IGFBPL1: variants seen among roughly 807,000 people sequenced by gnomAD.
The protein encoded by IGFBPL1 is insulin-like growth factor-binding protein-like 1.
In IGFBPL1, 20 loss-of-function variants were observed where a neutral mutation model predicts 23.9. The observed-to-expected ratio is 0.84, with a 90% CI of 0.59 to 1.22. The LOEUF is 1.22. Among genes scored for constraint, IGFBPL1 ranks in the 50% most tolerant of loss-of-function variants. IGFBPL1 has a pLI of 0.00. For missense variants in IGFBPL1, 436 were observed against 379.3 expected (o/e 1.15, Z -1.24); for synonymous variants, 184 against 171.8 (o/e 1.07, Z -0.56).
rs1301011983 is a variant in IGFBPL1, at chr9:38,424,121, C to T, written c.304G>A (p.Gly102Ser). 3.1e-6 allele frequency: 4 copies of T among 1,278,062 alleles called. No homozygotes were observed. In the Admixed American group the frequency reaches 1.2e-4, roughly 38 times the overall value. 79.2% of individuals were successfully genotyped at this position (1,278,062 alleles called of 1,614,324 possible). A position where few individuals can be genotyped will look rare whatever the true frequency, so the allele number is the denominator to read the frequency against. The change falls in exon 1 of 5, where the codon GGC becomes AGC. Residue 102 changes from glycine to serine, a missense_variant. Coordinates refer to ENST00000377694, the MANE Select transcript of IGFBPL1 (RefSeq NM_001007563.3). ...TGCGCGCACACGCAGAGCCCGGTGCCCTCGGGCGCTGCCCCAGCGGCCTGG... is the reference window on the plus strand; with the variant it reads ...TGCGCGCACACGCAGAGCCCGGTGCTCTCGGGCGCTGCCCCAGCGGCCTGG... ...ASQAAGAAPE[G>S]TGLCVCAQRG...
rs1166295818 is a variant in IGFBPL1 at position 38,408,238 on chromosome 9, G to A, written c.*989C>T. On this transcript the variant is annotated 3_prime_UTR_variant, in exon 5 of 5. Transcript: ENST00000377694. ...AGACCAGCCTGGGCGGCAACATAGG[G>A]AGACCCTGTCTCTACAAAAAAAAAA... Among the ~76,000 whole-genome samples, 1 of 123,738 alleles carries A rather than the reference G, an allele frequency of 8.1e-6. No individual in the cohort carries two copies. Among genetic ancestry groups the A allele is most frequent in the Non-Finnish European group, 1.6e-5 (1 of 60,720 alleles). The allele number at this position is 123,738 out of a possible 152,430, so 81.2% of individuals were successfully genotyped here.
intron 4 of IGFBPL1, among the ~76,000 whole-genome samples, chr9:38,410,084 G>A (rs915563793): frequency 4.6e-5 from 7 of 152,158 alleles, no homozygotes; most frequent in Non-Finnish European, 8.8e-5. Flanking sequence ...CCCTGCTTTT[G>A]AGAAACCCTA....
intron 1 of IGFBPL1, 124 bp from the exon 2 acceptor site, chr9:38,414,327 G>A (rs1821562470): frequency 6.7e-6 from 4 of 595,684 alleles, no homozygotes; most frequent in Admixed American, 6.4e-5. Context: ...GGCACATCAC[G>A]CTTGGGCAGG....
At chr9:38,421,369 G>A (rs148426429) in intron 1 of IGFBPL1, among the ~76,000 whole-genome samples, 183 of 151,896 alleles carry the variant, frequency 1.2e-3, no homozygotes, top group Middle Eastern at 3.4e-3. Context: ...ACATGTGTGC[G>A]GATCAAAGGA....
chr9:38,411,601 A>G (rs1821514564), intron 3 of IGFBPL1, 52 bp from the exon 4 acceptor site: 1 of 1,472,724 alleles, frequency 6.8e-7, no homozygotes. Context: ...CAGCAAAATG[A>G]CTTCCTTAGT....
Position 38,424,119 on chromosome 9 carries a change from GC to G in IGFBPL1, c.305del (p.Gly102AlafsTer77). 1 of 1,279,122 alleles carries G rather than the reference GC, an allele frequency of 7.8e-7. No individual in the cohort carries two copies. Among genetic ancestry groups the G allele is most frequent in the Non-Finnish European group, 9.9e-7 (1 of 1,013,460 alleles). 79.2% of individuals were successfully genotyped at this position (1,279,122 alleles called of 1,614,324 possible). ...GCTGCGCGCACACGCAGAGCCCGGT[GC>G]CCTCGGGCGCTGCCCCAGCGGCCTG... ...ASQAAGAAPEGTGLCVCAQRG... is the reference protein window; with the variant it reads ...ASQAAGAAPEXTGLCVCAQRG... On this transcript the variant is annotated frameshift_variant, in exon 1 of 5. Transcript: ENST00000377694. LOFTEE classifies it high-confidence loss of function.
intron 4 of IGFBPL1, among the ~76,000 whole-genome samples, chr9:38,409,509 G>A (rs1015409794): frequency 6.6e-6 from 1 of 152,206 alleles, no homozygotes; most frequent in African/African-American, 2.4e-5. Context: ...AGGTATGTAA[G>A]CCAGAGCTGG....
At position 38,420,493 on chromosome 9, in the gene IGFBPL1, C is replaced by T. The variant is rs567150728; in HGVS notation, c.460+3472G>A. ...TTCAAGGCTGGCGGGTGCACAGCAC[C>T]TTACTGATCAGGTTGCTAGCGGCTA... On this transcript the variant is annotated intron_variant, in intron 1 of 4. Coordinates refer to ENST00000377694, the MANE Select transcript of IGFBPL1 (RefSeq NM_001007563.3). 2.6e-5 allele frequency among the ~76,000 whole-genome samples: 4 copies of T among 152,358 alleles called. No homozygotes were observed. In the South Asian group the frequency reaches 8.3e-4, roughly 32 times the overall value.
intron 4 of IGFBPL1, among the ~76,000 whole-genome samples, chr9:38,411,113 T>G (rs571328480): frequency 6.6e-6 from 1 of 151,996 alleles, no homozygotes; most frequent in African/African-American, 2.4e-5. Flanking sequence ...AGAGGAAATA[T>G]TCCCTCCAGC....
In IGFBPL1 at chr9:38,420,007, A is replaced by AG; in HGVS notation, c.460+3957dup. On this transcript the variant is annotated intron_variant, in intron 1 of 4. Transcript: ENST00000377694. ...TGGGCTCAAGAAATCCTCCTGCCTC[A>AG]GCCTCCCAAGTAGCTGGGACTACAG... Among the ~76,000 whole-genome samples, 2 of 152,206 alleles carry AG rather than the reference A, an allele frequency of 1.3e-5. 1 individual carries two copies. Among genetic ancestry groups the AG allele is most frequent in the South Asian group, 4.2e-4 (2 of 4,818 alleles).
At chr9:38,415,005 C>T (rs1821579106) in intron 1 of IGFBPL1, among the ~76,000 whole-genome samples, 1 of 152,238 alleles carries the variant, frequency 6.6e-6, no homozygotes, top group Admixed American at 6.5e-5. Context: ...CCTGCTCTCA[C>T]CTGCATTGGA....
intron 3 of IGFBPL1, among the ~76,000 whole-genome samples, chr9:38,411,929 C>G (rs1821518799): frequency 6.6e-6 from 1 of 152,222 alleles, no homozygotes; most frequent in African/African-American, 2.4e-5. Flanking sequence ...GGGGCAGCCT[C>G]TACAAAATAC....
In IGFBPL1 at chr9:38,407,131, G is replaced by A. The variant is rs1821439946; in HGVS notation, c.*2096C>T. On this transcript the variant is annotated 3_prime_UTR_variant, in exon 5 of 5. Coordinates refer to ENST00000377694, the MANE Select transcript of IGFBPL1 (RefSeq NM_001007563.3). The stretch of plus-strand genomic sequence containing the variant: ...AGTCAGTCACAGTGCGTGGAGAAGG[G>A]AGGGGCGGGAGGGGCTGAGTGAGGA... Among the ~76,000 whole-genome samples the A allele has an allele frequency of 6.6e-6, 1 of 152,030 alleles. No homozygotes were observed. The highest frequency in any genetic ancestry group is 1.9e-4 in the East Asian group (1 of 5,182).
chr9:38,419,743 C>A (rs1317783688), intron 1 of IGFBPL1, among the ~76,000 whole-genome samples: 1 of 152,174 alleles, frequency 6.6e-6, no homozygotes, highest in African/African-American at 2.4e-5. Context: ...ATACTAAGGC[C>A]ATACCACCTT....
At chr9:38,416,201 G>A (rs916030201) in intron 1 of IGFBPL1, among the ~76,000 whole-genome samples, 5 of 152,206 alleles carry the variant, frequency 3.3e-5, no homozygotes, top group Admixed American at 3.3e-4. Context: ...GAAAGACCTG[G>A]ATACCAAGGG....
At position 38,406,791 on chromosome 9, in the gene IGFBPL1, A is replaced by ATTAT. The variant is rs16402; in HGVS notation, c.*2432_*2435dup. Among the ~76,000 whole-genome samples, 104,319 of 151,406 alleles carry ATTAT rather than the reference A, an allele frequency of 0.69. 36,060 individuals carry two copies. Among genetic ancestry groups the ATTAT allele is most frequent in the Middle Eastern group, 0.76 (223 of 294 alleles). ...GAAAATTTCAGACAGTGTGACATTAATTATTTGTCTTTGCACAGAATGATG... is the reference window on the plus strand; with the variant it reads ...GAAAATTTCAGACAGTGTGACATTAATTATTTATTTGTCTTTGCACAGAATGATG... On this transcript the variant is annotated 3_prime_UTR_variant, in exon 5 of 5. Coordinates refer to ENST00000377694, the MANE Select transcript of IGFBPL1 (RefSeq NM_001007563.3).
In IGFBPL1 at chr9:38,424,158, C is replaced by G. The variant is rs1821725431; in HGVS notation, c.267G>C (p.Leu89=). 6 of 1,197,912 alleles carry G rather than the reference C, an allele frequency of 5.0e-6. No homozygotes were observed. The allele number at this position is 1,197,912 out of a possible 1,614,324, so 74.2% of individuals were successfully genotyped here. ...GRAGGRCGPG[L]VCASQAAGAA... ...CCCCAGCGGCCTGGCTCGCGCATACCAGGCCGGGGCCACAGCGCCCGCCGG... is the reference window on the plus strand; with the variant it reads ...CCCCAGCGGCCTGGCTCGCGCATACGAGGCCGGGGCCACAGCGCCCGCCGG... Residue 89 remains leucine, a synonymous_variant, in exon 1 of 5, where the codon CTG becomes CTC. Coordinates refer to ENST00000377694, the MANE Select transcript of IGFBPL1 (RefSeq NM_001007563.3).
chr9:38,413,364 C>A lies in IGFBPL1; in HGVS notation c.571-11G>T, dbSNP rs1385576233. ...AGGGGACTTCGTGACCTACAGGGGA[C>A]AGGAATGCCAGGAGGGGGCTTAGAA... is the stretch of plus-strand genomic sequence containing the variant. On this transcript the variant is annotated splice_polypyrimidine_tract_variant and intron_variant, in intron 2 of 4. Transcript: ENST00000377694. The A allele has an allele frequency of 1.9e-6, 3 of 1,546,268 alleles. No homozygotes were observed. The highest frequency in any genetic ancestry group is 2.7e-6 in the Non-Finnish European group (3 of 1,121,284).
At chr9:38,420,862 G>A (rs539179279) in intron 1 of IGFBPL1, among the ~76,000 whole-genome samples, 1 of 152,198 alleles carries the variant, frequency 6.6e-6, no homozygotes, top group South Asian at 2.1e-4. Context: ...AAAACAGCCA[G>A]GCAAACCTAC....
Sources: gnomAD v4.1 joint callset for allele counts (sites outside exome capture counted in the v4.1 genomes callset) on GRCh38, gnomAD v4.1.1 for gene constraint, MANE v1.5 for transcripts, NCBI Gene and HGNC (gene_info 2026-07-23, HGNC 2026-07-21) for gene names.